The following PPFIBP1 variants were observed in gnomAD, a reference collection of about 807,000 sequenced individuals.
PPFIBP1 encodes PPFIB scaffold protein 1.
In PPFIBP1, 112 loss-of-function variants were observed where a neutral mutation model predicts 137.8. That is an observed-to-expected ratio of 0.81 (90% CI 0.70 to 0.95). The LOEUF is 0.95. Ranked by LOEUF, PPFIBP1 falls within the 40% of genes least tolerant of loss-of-function variation. The probability of loss-of-function intolerance (pLI) is 0.00; values close to 1 mark genes in which losing one functional copy is unlikely to be tolerated. For missense variants in PPFIBP1, 1,083 were observed against 1,196.6 expected, an observed-to-expected ratio of 0.91 and a Z score of 1.40; for synonymous variants, 378 against 417.3, an observed-to-expected ratio of 0.91 and a Z score of 1.15.
intron 3 of PPFIBP1, 56 bp from the exon 4 acceptor site, chr12:27,634,854 G>T: frequency 6.7e-7 from 1 of 1,481,484 alleles, no homozygotes; most frequent in Non-Finnish European, 9.4e-7. Flanking sequence ...CTTCGGCTTT[G>T]GTATTTTTAT....
chr12:27,626,029 C>T (rs1334620940), intron 2 of PPFIBP1, among the ~76,000 whole-genome samples: 6 of 152,142 alleles, frequency 3.9e-5, no homozygotes, highest in African/African-American at 1.2e-4. Context: ...CTGCTGCCAA[C>T]ATCCCCTACC....
At chr12:27,672,253 A>G (rs931464470) in intron 14 of PPFIBP1, among the ~76,000 whole-genome samples, 174 bp from the exon 15 acceptor site, 5 of 152,224 alleles carry the variant, frequency 3.3e-5, no homozygotes, top group African/African-American at 1.2e-4. Flanking sequence ...ATGTTTTGCC[A>G]ACATATTCCC....
chr12:27,676,582 C>A lies in PPFIBP1; in HGVS notation c.1565C>A (p.Ala522Glu). The part of the protein sequence containing the change: ...FFKIKSNKRT[A>E]SAPNLDRKRS... The stretch of plus-strand genomic sequence containing the variant: ...AAAATCAAAAGTAACAAGAGAACAG[C>A]AAGTGCACCAAACTTAGGTACGTAT... Residue 522 changes from alanine to glutamate, a missense_variant, in exon 18 of 30, where the codon GCA (alanine) becomes GAA (glutamate). Coordinates refer to ENST00000228425, the MANE Select transcript of PPFIBP1 (RefSeq NM_003622.4). 1 of 1,586,080 alleles carries A rather than the reference C, an allele frequency of 6.3e-7. No individual in the cohort carries two copies. The highest frequency in any genetic ancestry group is 8.6e-7 in the Non-Finnish European group (1 of 1,165,516).
chr12:27,530,429 G>A (rs1478936307), intron 1 of PPFIBP1, among the ~76,000 whole-genome samples: 2 of 152,292 alleles, frequency 1.3e-5, no homozygotes, highest in South Asian at 4.2e-4. Flanking sequence ...GGATGGTTTT[G>A]TCAAACTTTC....
At chr12:27,647,245 C>T (rs1414532542) in intron 5 of PPFIBP1, among the ~76,000 whole-genome samples, 3 of 152,182 alleles carry the variant, frequency 2.0e-5, no homozygotes, top group African/African-American at 7.2e-5. Context: ...AAGTGATCTG[C>T]CCGCCTCAGC....
intron 1 of PPFIBP1, among the ~76,000 whole-genome samples, chr12:27,526,261 C>G (rs954240597): frequency 6.6e-6 from 1 of 152,148 alleles, no homozygotes; most frequent in Non-Finnish European, 1.5e-5. Flanking sequence ...CCTTATGTGC[C>G]AAATTCAGAT....
chr12:27,574,526 C>T (rs1193423657), intron 1 of PPFIBP1, among the ~76,000 whole-genome samples: 1 of 152,044 alleles, frequency 6.6e-6, no homozygotes, highest in African/African-American at 2.4e-5. Flanking sequence ...TTCCCAGTAC[C>T]CCAAGATTAG....
In PPFIBP1 at chr12:27,654,815, G is replaced by A. The variant is rs1565949103; in HGVS notation, c.696+1G>A. The A allele has an allele frequency of 2.5e-6, 4 of 1,611,310 alleles. No individual in the cohort carries two copies. The highest frequency in any genetic ancestry group is 3.4e-6 in the Non-Finnish European group (4 of 1,179,050). ...TGAAAAAAAGCTTAAATCAACCAAA[G>A]TAAGTTTTTCTCACAGGTTAACATT... On this transcript the variant is annotated splice_donor_variant, in intron 8 of 29. Coordinates refer to ENST00000228425, the MANE Select transcript of PPFIBP1 (RefSeq NM_003622.4). LOFTEE classifies it high-confidence loss of function.
chr12:27,641,563 A>AT (rs2058106004), intron 4 of PPFIBP1, among the ~76,000 whole-genome samples: 1 of 152,184 alleles, frequency 6.6e-6, no homozygotes, highest in South Asian at 2.1e-4. Flanking sequence ...AATAAAAAAC[A>AT]TTTTTTAAAC....
intron 25 of PPFIBP1, 129 bp from the exon 26 acceptor site, chr12:27,688,169 C>A: frequency 9.2e-7 from 1 of 1,084,556 alleles, no homozygotes; most frequent in Non-Finnish European, 1.3e-6. Context: ...GACAGAAATT[C>A]TTTAAAAGAG....
chr12:27,648,689 T>C (rs1016492896), intron 6 of PPFIBP1, among the ~76,000 whole-genome samples: 1 of 152,220 alleles, frequency 6.6e-6, no homozygotes, highest in Non-Finnish European at 1.5e-5. Context: ...TGAGATTCAG[T>C]CATTTGCAAC....
intron 2 of PPFIBP1, among the ~76,000 whole-genome samples, chr12:27,599,999 C>T (rs1265446602): frequency 6.6e-6 from 1 of 152,176 alleles, no homozygotes; most frequent in African/African-American, 2.4e-5. Context: ...GTTAATCATG[C>T]TGTATCCAAG....
Position 27,647,036 on chromosome 12 carries a change from C to T in PPFIBP1, c.358-693C>T, listed in dbSNP as rs71452060. On this transcript the variant is annotated intron_variant, in intron 5 of 29. Coordinates refer to ENST00000228425, the MANE Select transcript of PPFIBP1 (RefSeq NM_003622.4). ...TTTTTGTTTTGGACGGAGTCTCGCT[C>T]TGTTGCCGAGACGGGAGTGCAGTGG... 4.4e-3 allele frequency among the ~76,000 whole-genome samples: 677 copies of T among 152,340 alleles called. 1 individual carries two copies. The highest frequency in any genetic ancestry group is 7.4e-3 in the Non-Finnish European group (502 of 68,038).
chr12:27,557,101 A>G (rs2048758206), intron 1 of PPFIBP1, among the ~76,000 whole-genome samples: 1 of 152,166 alleles, frequency 6.6e-6, no homozygotes, highest in South Asian at 2.1e-4. Flanking sequence ...GTTTTAGGAA[A>G]AAGAAGGGGG....
chr12:27,645,959 T>C (rs1372885677), intron 4 of PPFIBP1, 103 bp from the exon 5 acceptor site: 2 of 817,650 alleles, frequency 2.4e-6, no homozygotes, highest in African/African-American at 3.5e-5. Context: ...CTGTGCAGAT[T>C]CAATTCAGGC....
rs564085726 is a variant in PPFIBP1 at position 27,623,783 on chromosome 12, G to A, written c.-35-9579G>A. ...TCTGGCTTATGCAGCTAAGAGGAAGGTGATATTATCAGCCAAAACAGGGCA... is the reference window on the plus strand; with the variant it reads ...TCTGGCTTATGCAGCTAAGAGGAAGATGATATTATCAGCCAAAACAGGGCA... On this transcript the variant is annotated intron_variant, in intron 2 of 29. Coordinates refer to ENST00000228425, the MANE Select transcript of PPFIBP1 (RefSeq NM_003622.4). Among the ~76,000 whole-genome samples, 52 of 152,222 alleles carry A rather than the reference G, an allele frequency of 3.4e-4. No individual in the cohort carries two copies. The South Asian group carries it at 0.01, about 30-fold the overall frequency.
At chr12:27,542,202 A>G (rs1458032306) in intron 1 of PPFIBP1, among the ~76,000 whole-genome samples, 1 of 152,220 alleles carries the variant, frequency 6.6e-6, no homozygotes, top group Non-Finnish European at 1.5e-5. Context: ...AAAAAATACA[A>G]TGCAACAACT....
intron 2 of PPFIBP1, among the ~76,000 whole-genome samples, chr12:27,581,215 T>A (rs756465169): frequency 6.6e-6 from 1 of 152,192 alleles, no homozygotes; most frequent in South Asian, 2.1e-4. Flanking sequence ...TCTTAGGTGT[T>A]CTGGCAGGTG....
intron 29 of PPFIBP1, 63 bp downstream of exon 29, chr12:27,692,719 G>A: frequency 6.2e-7 from 1 of 1,613,728 alleles, no homozygotes; most frequent in Non-Finnish European, 8.5e-7. Context: ...AACCCCAAAG[G>A]ACCACATGTC....
Sources: allele counts gnomAD v4.1 joint callset (sites outside exome capture counted in the v4.1 genomes callset), GRCh38; gene constraint gnomAD v4.1.1; transcripts MANE v1.5; gene names NCBI Gene and HGNC (gene_info 2026-07-23, HGNC 2026-07-21).